Variants in SARNP observed in about 807,000 individuals in gnomAD.
SARNP encodes SAP domain containing ribonucleoprotein.
Under a neutral mutation model 38.1 loss-of-function variants are expected in SARNP, and 5 were observed. The ratio of observed to expected loss-of-function variants is 0.13; its 90% CI spans 0.07 to 0.28. SARNP has a LOEUF of 0.28. SARNP is among the 10% of genes least tolerant of loss of function. SARNP has a pLI of 1.00. For synonymous variants in SARNP, 84 were observed against 80.6 expected (o/e 1.04, Z -0.23); for missense variants, 180 against 243.9 (o/e 0.74, Z 1.75).
At chr12:55,808,274 C>T (rs1880215902) in intron 1 of SARNP, among the ~76,000 whole-genome samples, 1 of 151,466 alleles carries the variant, frequency 6.6e-6, no homozygotes, top group Non-Finnish European at 1.5e-5. Context: ...CTTTGAGCCC[C>T]GGAGTTCAAG....
At chr12:55,754,883 A>G (rs1878455831), downstream of SARNP, 1 of 152,238 alleles carries the variant, frequency 6.6e-6, no homozygotes, top group Non-Finnish European at 1.5e-5. Context: ...GTTGCTAAAC[A>G]ATATTACATT....
intron 1 of SARNP, among the ~76,000 whole-genome samples, chr12:55,816,345 G>C (rs1472232441): frequency 6.6e-6 from 1 of 152,142 alleles, no homozygotes; most frequent in Non-Finnish European, 1.5e-5. Context: ...AAACAAAGTG[G>C]AGATGATTGC....
chr12:55,790,698 C>A lies in SARNP; in HGVS notation c.407-106G>T, dbSNP rs1020669127. On this transcript the variant is annotated intron_variant, in intron 7 of 10. Transcript: ENST00000336133. Reference sequence around the variant, plus strand: ...AAAAACATCCTTTATCCTATGATGACAAAGAAAAGGCAGAAATTGCATGTA... The same window carrying A: ...AAAAACATCCTTTATCCTATGATGAAAAAGAAAAGGCAGAAATTGCATGTA... The A allele has an allele frequency of 4.4e-6, 5 of 1,126,872 alleles. No homozygotes were observed. The African/African-American group carries it at 4.9e-5, about 11-fold the overall frequency. The allele number at this position is 1,126,872 out of a possible 1,614,324, so 69.8% of individuals were successfully genotyped here. A position where few individuals can be genotyped will look rare whatever the true frequency, so the allele number is the denominator to read the frequency against.
At chr12:55,808,446 G>A (rs573265319) in intron 1 of SARNP, among the ~76,000 whole-genome samples, 1 of 152,174 alleles carries the variant, frequency 6.6e-6, no homozygotes, top group South Asian at 2.1e-4. Flanking sequence ...CTCCCGAGTA[G>A]CTGGGATTAC....
chr12:55,802,823 G>A (rs1216573505), intron 2 of SARNP, among the ~76,000 whole-genome samples: 2 of 150,898 alleles, frequency 1.3e-5, no homozygotes, highest in African/African-American at 2.4e-5. Flanking sequence ...GTCACCGAGT[G>A]AATTAAGTAA....
At position 55,782,440 on chromosome 12, in the gene SARNP, C is replaced by T. The variant is rs375648562; in HGVS notation, c.501+6635G>A. Among the ~76,000 whole-genome samples, 18 of 152,226 alleles carry T rather than the reference C, an allele frequency of 1.2e-4. 1 individual carries two copies. In the East Asian group the frequency reaches 2.1e-3, roughly 18 times the overall value. ...GAGGGTGCCAATGTTTGAAAAATAC[C>T]AAACAATCCACTCAAATTAGCACAG... is the stretch of plus-strand genomic sequence containing the variant. On this transcript the variant is annotated intron_variant, in intron 9 of 10. Coordinates refer to ENST00000336133, the MANE Select transcript of SARNP (RefSeq NM_033082.4).
downstream of SARNP, chr12:55,754,823 G>A (rs1878453029): frequency 6.6e-6 from 1 of 152,182 alleles, no homozygotes; most frequent in South Asian, 2.1e-4. Flanking sequence ...ATGATTATCT[G>A]CGCAGGGTCT....
chr12:55,786,513 A>G (rs1879500252), intron 9 of SARNP, among the ~76,000 whole-genome samples: 1 of 152,080 alleles, frequency 6.6e-6, no homozygotes, highest in African/African-American at 2.4e-5. Flanking sequence ...ACGGTGGCGC[A>G]ATCTCGGCTC....
At chr12:55,755,633 G>C (rs1306580214), downstream of SARNP, 2 of 152,080 alleles carry the variant, frequency 1.3e-5, no homozygotes, top group African/African-American at 4.8e-5. Flanking sequence ...TTTTAAAACT[G>C]AATTGGGAAA....
intron 9 of SARNP, among the ~76,000 whole-genome samples, chr12:55,776,102 G>C (rs976884119): frequency 9.2e-5 from 14 of 152,098 alleles, no homozygotes; most frequent in African/African-American, 3.4e-4. Flanking sequence ...GACCACCCCT[G>C]CCTCCACCCG....
chr12:55,772,692 T>G (rs1879042212), intron 9 of SARNP, among the ~76,000 whole-genome samples: 1 of 149,902 alleles, frequency 6.7e-6, no homozygotes, highest in South Asian at 2.1e-4. Context: ...TGTCAAGAAG[T>G]CAGTAGAGGG....
chr12:55,783,301 T>C (rs1226962712), intron 9 of SARNP, among the ~76,000 whole-genome samples: 2 of 149,492 alleles, frequency 1.3e-5, no homozygotes, highest in Non-Finnish European at 3.0e-5. Flanking sequence ...TGAGTTTTGT[T>C]GTTTGAGGGG....
chr12:55,775,389 G>A (rs1488792638), intron 9 of SARNP, among the ~76,000 whole-genome samples: 4 of 150,800 alleles, frequency 2.7e-5, no homozygotes, highest in Middle Eastern at 3.4e-3. Flanking sequence ...GGTGAAACCC[G>A]GCCTCTACCA....
intron 9 of SARNP, among the ~76,000 whole-genome samples, chr12:55,786,251 T>C (rs1043011324): frequency 1.3e-5 from 2 of 152,200 alleles, no homozygotes; most frequent in African/African-American, 4.8e-5. Context: ...TAGTAAGAGA[T>C]ATGGTGTTCA....
chr12:55,787,717 C>T (rs1027549923), intron 9 of SARNP, among the ~76,000 whole-genome samples: 3 of 149,674 alleles, frequency 2.0e-5, no homozygotes, highest in African/African-American at 4.9e-5. Context: ...ATTACAGGCA[C>T]GGTGGTGCTC....
rs189825807 is a variant in SARNP, at chr12:55,774,892, T to G, written c.501+14183A>C. 7.7e-3 allele frequency among the ~76,000 whole-genome samples: 1,132 copies of G among 147,598 alleles called. 15 individuals are homozygous for G. The highest frequency in any genetic ancestry group is 0.028 in the African/African-American group (1,083 of 39,328). On this transcript the variant is annotated intron_variant, in intron 9 of 10. Coordinates refer to ENST00000336133, the MANE Select transcript of SARNP (RefSeq NM_033082.4). ...AAACACATTTCTATTTGTTTTTTTTTTTTTTTTTTTGGCAGATGGAGTCTC... is the reference window on the plus strand; with the variant it reads ...AAACACATTTCTATTTGTTTTTTTTGTTTTTTTTTTGGCAGATGGAGTCTC...
chr12:55,767,604 T>C (rs898650756), intron 9 of SARNP, among the ~76,000 whole-genome samples: 3 of 151,630 alleles, frequency 2.0e-5, no homozygotes, highest in Admixed American at 6.6e-5. Context: ...TCCCAGCACT[T>C]TGGGAGGCCG....
chr12:55,810,247 G>C, intron 1 of SARNP, among the ~76,000 whole-genome samples: 1 of 152,098 alleles, frequency 6.6e-6, no homozygotes, highest in Admixed American at 6.6e-5. Flanking sequence ...TGTATAGCTG[G>C]GACCACAGGT....
Position 55,787,394 on chromosome 12 carries a change from G to A in SARNP, c.501+1681C>T, listed in dbSNP as rs187763581. 1.6e-3 allele frequency among the ~76,000 whole-genome samples: 238 copies of A among 152,216 alleles called. 1 individual carries two copies. Among genetic ancestry groups the A allele is most frequent in the African/African-American group, 5.6e-3 (231 of 41,530 alleles). On this transcript the variant is annotated intron_variant, in intron 9 of 10. Coordinates refer to ENST00000336133, the MANE Select transcript of SARNP (RefSeq NM_033082.4). ...AATGTCAGGTAAGTTTCTTCCAATG[G>A]CTTTCTAGAGAGCTAAACGCTTTCA...
Sources: gnomAD v4.1 joint callset for allele counts (sites outside exome capture counted in the v4.1 genomes callset) on GRCh38, gnomAD v4.1.1 for gene constraint, MANE v1.5 for transcripts, NCBI Gene and HGNC (gene_info 2026-07-23, HGNC 2026-07-21) for gene names.